Variants in CTDSPL2 observed in about 807,000 individuals in gnomAD.
CTDSPL2 encodes CTD small phosphatase-like protein 2.
A neutral mutation model predicts 60.0 loss-of-function variants in CTDSPL2; 5 were observed. The observed-to-expected ratio is 0.08, with a 90% CI of 0.04 to 0.18. The LOEUF (loss-of-function observed/expected upper bound fraction) is 0.18. Among genes scored for constraint, CTDSPL2 ranks in the 10% least tolerant of loss-of-function variants. The pLI is 1.00. For missense variants in CTDSPL2, 370 were observed against 548.8 expected, an observed-to-expected ratio of 0.67 and a Z score of 3.26; for synonymous variants, 186 against 189.3, an observed-to-expected ratio of 0.98 and a Z score of 0.14.
chr15:44,499,098 A>T (rs553436125), intron 7 of CTDSPL2, among the ~76,000 whole-genome samples: 1 of 151,966 alleles, frequency 6.6e-6, no homozygotes, highest in East Asian at 2.0e-4. Context: ...ATGTGTCAGA[A>T]TCCGAAGGGC....
At chr15:44,477,087 A>G (rs1355141675) in intron 2 of CTDSPL2, among the ~76,000 whole-genome samples, 3 of 152,220 alleles carry the variant, frequency 2.0e-5, no homozygotes, top group Admixed American at 2.0e-4. Context: ...GAATTAGTCA[A>G]GCGTGGTGCT....
At chr15:44,461,119 C>G (rs1206074796) in intron 2 of CTDSPL2, among the ~76,000 whole-genome samples, 1 of 152,122 alleles carries the variant, frequency 6.6e-6, no homozygotes, top group Non-Finnish European at 1.5e-5. Flanking sequence ...TTATCATTAT[C>G]TTGGTCACCT....
At chr15:44,483,218 G>A (rs1347090118) in intron 2 of CTDSPL2, among the ~76,000 whole-genome samples, 6 of 147,046 alleles carry the variant, frequency 4.1e-5, no homozygotes, top group South Asian at 4.3e-4. Context: ...AGGCATGATC[G>A]TGCCACTGCA....
chr15:44,513,360 C>A (rs147552758), intron 8 of CTDSPL2, among the ~76,000 whole-genome samples: 21 of 152,008 alleles, frequency 1.4e-4, no homozygotes, highest in African/African-American at 5.1e-4. Context: ...CCAGCTACTC[C>A]GGAGGCTGAG....
chr15:44,452,208 G>A (rs560279199), intron 1 of CTDSPL2, among the ~76,000 whole-genome samples: 11 of 152,000 alleles, frequency 7.2e-5, no homozygotes, highest in Non-Finnish European at 1.2e-4. Context: ...ATTAGAGGGC[G>A]TTTCATTTCT....
At chr15:44,482,840 T>A (rs557236276) in intron 2 of CTDSPL2, among the ~76,000 whole-genome samples, 2 of 152,320 alleles carry the variant, frequency 1.3e-5, no homozygotes, top group East Asian at 3.9e-4. Context: ...GAGATGAGAA[T>A]GTTGATTATA....
chr15:44,457,469 A>G (rs1349981574), intron 1 of CTDSPL2, among the ~76,000 whole-genome samples: 1 of 152,156 alleles, frequency 6.6e-6, no homozygotes, highest in African/African-American at 2.4e-5. Context: ...CCTCTGGATT[A>G]GCTTTGGTTT....
chr15:44,445,721 T>A (rs1158451809), intron 1 of CTDSPL2, among the ~76,000 whole-genome samples: 3 of 151,968 alleles, frequency 2.0e-5, no homozygotes, highest in Non-Finnish European at 4.4e-5. Context: ...TACTGCAGCT[T>A]CCGTCTTCCA....
intron 3 of CTDSPL2, 114 bp from the exon 4 acceptor site, chr15:44,486,437 C>T: frequency 2.9e-6 from 2 of 696,606 alleles, no homozygotes; most frequent in Non-Finnish European, 2.2e-6. Flanking sequence ...CATTAATTAG[C>T]TTTCGTGAAG....
intron 1 of CTDSPL2, among the ~76,000 whole-genome samples, chr15:44,430,551 A>G (rs1416170302): frequency 6.6e-6 from 1 of 151,980 alleles, no homozygotes; most frequent in Non-Finnish European, 1.5e-5. Context: ...CGAGTCCAAA[A>G]TAGTATTAAT....
In CTDSPL2 at chr15:44,487,851, T is replaced by C. The variant is rs557772179; in HGVS notation, c.475+1151T>C. Among the ~76,000 whole-genome samples, 4 of 152,242 alleles carry C rather than the reference T, an allele frequency of 2.6e-5. No individual in the cohort carries two copies. In the East Asian group the frequency reaches 5.8e-4, roughly 22 times the overall value. On this transcript the variant is annotated intron_variant, in intron 4 of 12. Transcript: ENST00000260327. ...AAGGAATAGGCCGGGCACCGTGGCT[T>C]ATACCTGTAATCACAGCACTTTAGG...
chr15:44,469,095 C>G (rs535083748), intron 2 of CTDSPL2, among the ~76,000 whole-genome samples: 16 of 152,060 alleles, frequency 1.1e-4, no homozygotes, highest in Non-Finnish European at 2.4e-4. Context: ...TAATCTCTTA[C>G]TGTGTCTAAT....
chr15:44,509,755 G>C (rs930607488), intron 8 of CTDSPL2, among the ~76,000 whole-genome samples: 5 of 151,502 alleles, frequency 3.3e-5, no homozygotes, highest in Non-Finnish European at 7.4e-5. Context: ...TCAAAACCCC[G>C]TCTCTACTAA....
In CTDSPL2 at chr15:44,524,150, G is replaced by A; in HGVS notation, c.1377G>A (p.Leu459=). Residue 459 remains leucine, a synonymous_variant, in exon 13 of 13, where the codon TTG becomes TTA. Coordinates refer to ENST00000260327, the MANE Select transcript of CTDSPL2 (RefSeq NM_016396.3). Reference sequence around the variant, plus strand: ...CACACATCAGAGACAGATTTCGCTTGCATGATTTGCTGCCCCCAGATTAAG... The same window carrying A: ...CACACATCAGAGACAGATTTCGCTTACATGATTTGCTGCCCCCAGATTAAG... The part of the protein sequence containing the change: ...VRPHIRDRFR[L]HDLLPPD 1.9e-6 allele frequency: 3 copies of A among 1,613,826 alleles called. No homozygotes were observed. The highest frequency in any genetic ancestry group is 2.2e-5 in the South Asian group (2 of 91,064).
At chr15:44,466,690 A>C (rs2080700042) in intron 2 of CTDSPL2, among the ~76,000 whole-genome samples, 1 of 152,020 alleles carries the variant, frequency 6.6e-6, no homozygotes, top group East Asian at 1.9e-4. Context: ...CATGCCTATA[A>C]TCCCAGCACT....
chr15:44,452,255 ATTAT>A (rs1370775291), intron 1 of CTDSPL2, among the ~76,000 whole-genome samples: 1 of 152,072 alleles, frequency 6.6e-6, no homozygotes, highest in Non-Finnish European at 1.5e-5. Flanking sequence ...TTCTCTATAG[ATTAT>A]TTGTGTCCCC....
At chr15:44,427,924 T>G in intron 1 of CTDSPL2, 152 bp downstream of exon 1, 1 of 367,358 alleles carries the variant, frequency 2.7e-6, no homozygotes, top group Non-Finnish European at 4.8e-6. Flanking sequence ...GCCTCGTACG[T>G]CCACTGTGCG....
intron 2 of CTDSPL2, among the ~76,000 whole-genome samples, chr15:44,463,762 T>C (rs1482064636): frequency 6.6e-6 from 1 of 152,188 alleles, no homozygotes; most frequent in East Asian, 1.9e-4. Context: ...AAAATTGCGT[T>C]GAGTGTCTAG....
At chr15:44,440,776 T>A (rs943287462) in intron 1 of CTDSPL2, among the ~76,000 whole-genome samples, 2 of 152,218 alleles carry the variant, frequency 1.3e-5, no homozygotes, top group Admixed American at 1.3e-4. Context: ...ATATTGTGAA[T>A]AGGGTAGTAA....
Sources: allele counts gnomAD v4.1 joint callset (sites outside exome capture counted in the v4.1 genomes callset), GRCh38; gene constraint gnomAD v4.1.1; transcripts MANE v1.5; gene names NCBI Gene and HGNC (gene_info 2026-07-23, HGNC 2026-07-21).